The following GSTM4 variants were observed in gnomAD, a reference collection of about 807,000 sequenced individuals.
GSTM4 encodes the protein glutathione S-transferase mu 4, also known as GST class-mu 4.
In GSTM4, 27 loss-of-function variants were observed where a neutral mutation model predicts 30.1. The observed-to-expected ratio is 0.90, with a 90% CI of 0.66 to 1.24. GSTM4 has a LOEUF of 1.24. GSTM4 is among the 50% of genes most tolerant of loss of function. The pLI is 0.00. For synonymous variants in GSTM4, 94 were observed against 96.2 expected, an observed-to-expected ratio of 0.98 and a Z score of 0.13; for missense variants, 238 against 272.1, an observed-to-expected ratio of 0.87 and a Z score of 0.88.
downstream of GSTM4, chr1:109,664,878 A>G (rs892007741): frequency 2.2e-6 from 2 of 898,084 alleles, no homozygotes; most frequent in Non-Finnish European, 3.7e-6. Flanking sequence ...AATCTCCTGT[A>G]TAAAACTCTC....
rs555222780 is a variant in GSTM4 at position 109,659,183 on chromosome 1, T to C, written c.567+73T>C. On this transcript the variant is annotated intron_variant, in intron 7 of 7. Coordinates refer to ENST00000369836, the MANE Select transcript of GSTM4 (RefSeq NM_000850.5). ...CTCCTTTCAGATGCTTTCCCAGTCC[T>C]GGAGCTACATAAAGAATAACTTGCA... The C allele has an allele frequency of 7.7e-5, 125 of 1,614,248 alleles. No homozygotes were observed. In the African/African-American group the frequency reaches 1.5e-3, roughly 19 times the overall value.
intron 7 of GSTM4, 131 bp downstream of exon 7, chr1:109,659,241 T>C: frequency 1.9e-6 from 3 of 1,612,554 alleles, no homozygotes; most frequent in Non-Finnish European, 2.5e-6. Context: ...CCAGGAACCT[T>C]GCCCAGCACA....
downstream of GSTM4, chr1:109,665,175 A>G (rs1388898870): frequency 1.4e-6 from 1 of 712,316 alleles, no homozygotes; most frequent in African/African-American, 1.8e-5. Context: ...TGAAGGAGGC[A>G]TCCACCAAAC....
chr1:109,660,664 A>T (rs71657108), intron 7 of GSTM4: 95 of 167,250 alleles, frequency 5.7e-4, no homozygotes, highest in Non-Finnish European at 1.1e-3. Context: ...AAACAGGAGA[A>T]TGTTGTGTAG....
intron 5 of GSTM4, chr1:109,658,602 T>C (rs1652145842): frequency 3.4e-6 from 2 of 586,570 alleles, no homozygotes; most frequent in Non-Finnish European, 6.1e-6. Flanking sequence ...GGGATAGTGT[T>C]GCATTCCTCT....
chr1:109,665,027 T>C (rs756238455), downstream of GSTM4: 6 of 1,590,530 alleles, frequency 3.8e-6, no homozygotes, highest in South Asian at 1.1e-5. Context: ...TGTGGCATAA[T>C]GTGATGGTCA....
rs1248730872 is a variant in GSTM4, at chr1:109,658,108, C to T, written c.360+236C>T. 5.5e-6 allele frequency: 3 copies of T among 549,908 alleles called. No homozygotes were observed. In the South Asian group the frequency reaches 6.3e-5, roughly 12 times the overall value. 34.1% of individuals were successfully genotyped at this position (549,908 alleles called of 1,614,324 possible). On this transcript the variant is annotated intron_variant, in intron 5 of 7. Transcript: ENST00000369836. ...TTCCTAGACAATAAAGTCATGCGTTCAGAATTCCCTTCACCTCTGACCCCT... is the reference window on the plus strand; with the variant it reads ...TTCCTAGACAATAAAGTCATGCGTTTAGAATTCCCTTCACCTCTGACCCCT...
Position 109,659,056 on chromosome 1 carries a change from G to C in GSTM4, c.513G>C (p.Glu171Asp). The C allele has an allele frequency of 6.2e-7, 1 of 1,614,162 alleles. No homozygotes were observed. Among genetic ancestry groups the C allele is most frequent in the Non-Finnish European group, 8.5e-7 (1 of 1,180,028 alleles). Residue 171 changes from glutamate to aspartate, a missense_variant, in exon 7 of 8, where the codon GAG becomes GAC. Glu to Asp is a conservative substitution (Grantham distance 45). Coordinates refer to ENST00000369836, the MANE Select transcript of GSTM4 (RefSeq NM_000850.5). ...YDVLDLHRIF[E>D]PNCLDAFPNL... ...TCCTTGACCTCCACCGTATATTTGA[G>C]CCCAACTGCTTGGACGCCTTTCCAA...
downstream of GSTM4, chr1:109,665,397 C>G (rs1194380321): frequency 3.7e-6 from 1 of 267,490 alleles, no homozygotes; most frequent in Non-Finnish European, 7.2e-6. Flanking sequence ...CTTCTCTATC[C>G]TGCAGTCGGC....
At chr1:109,657,998 C>G in intron 5 of GSTM4, 126 bp downstream of exon 5, 1 of 737,904 alleles carries the variant, frequency 1.4e-6, no homozygotes, top group Non-Finnish European at 2.3e-6. Context: ...AGCAGAGTGA[C>G]TGTCATATCA....
chr1:109,658,666 T>A (rs1475121346), intron 5 of GSTM4, 148 bp from the exon 6 acceptor site: 2 of 682,284 alleles, frequency 2.9e-6, no homozygotes, highest in African/African-American at 1.8e-5. Flanking sequence ...GTGTAATAAA[T>A]GCTGGTATGT....
At position 109,659,384 on chromosome 1, in the gene GSTM4, G is replaced by A. The variant is rs1224901922; in HGVS notation, c.567+274G>A. On this transcript the variant is annotated intron_variant, in intron 7 of 7. Transcript: ENST00000369836. ...GTTCTGGGTCCCAGAGCCAGTGGAG[G>A]CTGTGCTGGGCTCCCTGTGAGCATC... is the stretch of plus-strand genomic sequence containing the variant. The A allele has an allele frequency of 2.0e-5, 29 of 1,459,874 alleles. No homozygotes were observed. The South Asian group carries it at 2.9e-4, about 15-fold the overall frequency. The allele number at this position is 1,459,874 out of a possible 1,614,324, so 90.4% of individuals were successfully genotyped here. A position where few individuals can be genotyped will look rare whatever the true frequency, so the allele number is the denominator to read the frequency against.
chr1:109,656,179 A>T lies in GSTM4; in HGVS notation c.-211A>T. On this transcript the variant is annotated 5_prime_UTR_variant, in exon 1 of 8. Transcript: ENST00000369836. ...CCTTCCAGCCAGTGAGGATCCAGCA[A>T]CCTGCTCCGTGCCTCCCGCGCCTGT... 1.7e-6 allele frequency: 1 copy of T among 586,492 alleles called. No individual in the cohort carries two copies. The allele number at this position is 586,492 out of a possible 1,614,324, so 36.3% of individuals were successfully genotyped here. A position where few individuals can be genotyped will look rare whatever the true frequency, so the allele number is the denominator to read the frequency against.
chr1:109,656,533 G>T, intron 1 of GSTM4, 108 bp downstream of exon 1: 1 of 1,236,106 alleles, frequency 8.1e-7, no homozygotes, highest in Non-Finnish European at 1.2e-6. Flanking sequence ...ATCTCTCACA[G>T]GAGGGCCTGT....
downstream of GSTM4, chr1:109,665,059 G>A: frequency 7.5e-7 from 1 of 1,329,798 alleles, no homozygotes; most frequent in South Asian, 1.2e-5. Context: ...CAACTTGACT[G>A]GGCTAAGGGA....
At chr1:109,664,110 A>G (rs557868540), downstream of GSTM4, among the ~76,000 whole-genome samples, 1 of 152,304 alleles carries the variant, frequency 6.6e-6, no homozygotes, top group South Asian at 2.1e-4. Flanking sequence ...AATGGCTATC[A>G]TTACTTCCTG....
chr1:109,661,658 C>T lies in GSTM4; in HGVS notation c.*404C>T. 2.6e-6 allele frequency: 3 copies of T among 1,150,992 alleles called. No homozygotes were observed. The highest frequency in any genetic ancestry group is 3.2e-6 in the Non-Finnish European group (3 of 931,582). The allele number at this position is 1,150,992 out of a possible 1,614,324, so 71.3% of individuals were successfully genotyped here. ...ACAGGCCCTGCTCCTGCAGCATGGC[C>T]CCTGCCTTAGGCCTACCTGATCAAA... On this transcript the variant is annotated 3_prime_UTR_variant, in exon 8 of 8. Transcript: ENST00000369836.
chr1:109,658,408 C>T (rs2101220715), intron 5 of GSTM4: 1 of 227,536 alleles, frequency 4.4e-6, no homozygotes, highest in East Asian at 1.0e-4. Flanking sequence ...CCAGAAACTA[C>T]TCAATGTCCA....
intron 1 of GSTM4, 119 bp from the exon 2 acceptor site, chr1:109,656,593 T>TGA: frequency 1.8e-6 from 1 of 556,740 alleles, no homozygotes; most frequent in Non-Finnish European, 3.2e-6. Context: ...TGTGTGTGCG[T>TGA]GCGCCGGGGT....
Sources: allele counts gnomAD v4.1 joint callset (sites outside exome capture counted in the v4.1 genomes callset), GRCh38; gene constraint gnomAD v4.1.1; transcripts MANE v1.5; gene names NCBI Gene and HGNC (gene_info 2026-07-23, HGNC 2026-07-21).